ZFC3H1: variants seen among roughly 807,000 people sequenced by gnomAD.
ZFC3H1 encodes the protein zinc finger C3H1 domain-containing protein.
ZFC3H1 carries 71 observed loss-of-function variants against 243.7 expected under a neutral mutation model. That is an observed-to-expected ratio of 0.29 (90% CI 0.24 to 0.36). The LOEUF is 0.36. Ranked by LOEUF, ZFC3H1 falls within the 10% of genes least tolerant of loss-of-function variation. ZFC3H1 has a pLI of 1.00. For synonymous variants in ZFC3H1, 838 were observed against 813.0 expected (o/e 1.03, Z -0.52); for missense variants, 1,966 against 2,317.1 (o/e 0.85, Z 3.11).
intron 1 of ZFC3H1, among the ~76,000 whole-genome samples, chr12:71,657,997 GA>G (rs757049825): frequency 4.3e-4 from 58 of 135,130 alleles, no homozygotes; most frequent in African/African-American, 1.1e-3. Flanking sequence ...TCAAAAAAAA[GA>G]AAAAAAAAAA....
chr12:71,622,754 C>T (rs1217592680), intron 24 of ZFC3H1, among the ~76,000 whole-genome samples: 1 of 152,204 alleles, frequency 6.6e-6, no homozygotes, highest in Non-Finnish European at 1.5e-5. Context: ...GCCACTGTGC[C>T]CGGCCCTAGT....
intron 27 of ZFC3H1, among the ~76,000 whole-genome samples, chr12:71,618,641 A>G (rs1879949658): frequency 6.6e-6 from 1 of 152,126 alleles, no homozygotes; most frequent in African/African-American, 2.4e-5. Context: ...TGCTAACCTA[A>G]AATATTTACT....
chr12:71,611,900 T>C lies in ZFC3H1; in HGVS notation c.5628-13A>G. On this transcript the variant is annotated splice_polypyrimidine_tract_variant and intron_variant, in intron 31 of 34. Coordinates refer to ENST00000378743, the MANE Select transcript of ZFC3H1 (RefSeq NM_144982.5). ...ATGTTGAAGTAACCTGTAAAGTACA[T>C]TCAGGAAAATGAACAAAGCATTGCA... The C allele has an allele frequency of 6.4e-7, 1 of 1,552,722 alleles. No individual in the cohort carries two copies. The highest frequency in any genetic ancestry group is 8.8e-7 in the Non-Finnish European group (1 of 1,134,542).
At chr12:71,644,342 A>G (rs1403814444) in intron 4 of ZFC3H1, 24 bp from the exon 5 acceptor site, 1 of 1,602,218 alleles carries the variant, frequency 6.2e-7, no homozygotes, top group Non-Finnish European at 8.5e-7. Flanking sequence ...ACACATAAAC[A>G]TTAGCATCTG....
chr12:71,633,451 T>A lies in ZFC3H1; in HGVS notation c.2511-13A>T. On this transcript the variant is annotated splice_polypyrimidine_tract_variant and intron_variant, in intron 12 of 34. Transcript: ENST00000378743. ...CATCAAGAGAATCCTAAATGAGAAA[T>A]AACAAAATTCTTGTTAATGTTTCCC... The A allele has an allele frequency of 6.5e-7, 1 of 1,534,800 alleles. No individual in the cohort carries two copies.
chr12:71,618,092 T>G (rs905417383), intron 27 of ZFC3H1, among the ~76,000 whole-genome samples: 15 of 152,032 alleles, frequency 9.9e-5, no homozygotes, highest in Admixed American at 2.0e-4. Context: ...CGGTGAAACC[T>G]GTCATTACTA....
chr12:71,643,046 G>A (rs1251719428), intron 5 of ZFC3H1, among the ~76,000 whole-genome samples: 1 of 152,078 alleles, frequency 6.6e-6, no homozygotes, highest in Admixed American at 6.5e-5. Context: ...TTGTTTTCTT[G>A]TCTACTTCTT....
At chr12:71,661,481 T>C (rs1351197396) in intron 1 of ZFC3H1, among the ~76,000 whole-genome samples, 1 of 125,142 alleles carries the variant, frequency 8.0e-6, no homozygotes, top group African/African-American at 3.9e-5. Context: ...CTATATAATT[T>C]TCCTTTTTTT....
chr12:71,633,871 T>C (rs1384541558), intron 12 of ZFC3H1, among the ~76,000 whole-genome samples: 1 of 152,194 alleles, frequency 6.6e-6, no homozygotes, highest in Non-Finnish European at 1.5e-5. Context: ...TTGGCCAGGC[T>C]AGTCTCAAAC....
At chr12:71,612,949 G>GAGC in intron 31 of ZFC3H1, among the ~76,000 whole-genome samples, 1 of 152,134 alleles carries the variant, frequency 6.6e-6, no homozygotes. Context: ...AGATTCTAAT[G>GAGC]TTTGCCAATA....
chr12:71,628,808 A>T (rs982258491), intron 20 of ZFC3H1, 110 bp downstream of exon 20: 92 of 1,194,102 alleles, frequency 7.7e-5, no homozygotes, highest in Middle Eastern at 2.3e-4. Flanking sequence ...TTTAAAAAAA[A>T]TTTTTTTTTA....
rs1327445992 is a variant in ZFC3H1, at chr12:71,663,652, G to A, written c.-42C>T. On this transcript the variant is annotated 5_prime_UTR_variant, in exon 1 of 35. Transcript: ENST00000378743. The stretch of plus-strand genomic sequence containing the variant: ...TCCACACAACCTTAGCCCTCCGTCC[G>A]GGGATCCGCCCGACAATTGCCTCGT... 2.5e-6 allele frequency: 4 copies of A among 1,574,642 alleles called. No individual in the cohort carries two copies. In the African/African-American group the frequency reaches 5.4e-5, roughly 21 times the overall value.
In ZFC3H1 at chr12:71,663,248, C is replaced by A; in HGVS notation, c.363G>T (p.Ser121=). The change falls in exon 1 of 35, where the codon TCG becomes TCT. Residue 121 remains serine, a synonymous_variant. Coordinates refer to ENST00000378743, the MANE Select transcript of ZFC3H1 (RefSeq NM_144982.5). ...GGGGACTGCTTTCGGACAGTGAGCT[C>A]GAAGGCATCCGTACAGAAGGCGGAT... ...RSHPPSVRMP[S]SSLSESSPRP... is the part of the protein sequence containing the mutation. The A allele has an allele frequency of 6.2e-7, 1 of 1,613,750 alleles. No individual in the cohort carries two copies. Among genetic ancestry groups the A allele is most frequent in the Non-Finnish European group, 8.5e-7 (1 of 1,180,034 alleles).
At chr12:71,654,186 T>C (rs1880960496) in intron 2 of ZFC3H1, among the ~76,000 whole-genome samples, 1 of 152,124 alleles carries the variant, frequency 6.6e-6, no homozygotes, top group African/African-American at 2.4e-5. Flanking sequence ...ACACCTGTAA[T>C]CCCAGCATTT....
chr12:71,653,812 T>C (rs1265722511), intron 2 of ZFC3H1, among the ~76,000 whole-genome samples: 1 of 152,008 alleles, frequency 6.6e-6, no homozygotes, highest in Non-Finnish European at 1.5e-5. Context: ...GGCCAGGAGT[T>C]TGAGACCAGA....
chr12:71,661,577 GTTCAA>G lies in ZFC3H1; in HGVS notation c.598+1431_598+1435del, dbSNP rs1208937953. 2.0e-5 allele frequency among the ~76,000 whole-genome samples: 3 copies of G among 149,658 alleles called. No homozygotes were observed. In the East Asian group the frequency reaches 6.0e-4, roughly 30 times the overall value. The stretch of plus-strand genomic sequence containing the variant: ...TGCTCACTACAACTCTGCCTCCCGA[GTTCAA>G]TCGGTTCTCCTGCCTCAGCCTCCCG... On this transcript the variant is annotated intron_variant, in intron 1 of 34. Coordinates refer to ENST00000378743, the MANE Select transcript of ZFC3H1 (RefSeq NM_144982.5).
At chr12:71,623,238 T>A in intron 24 of ZFC3H1, 122 bp downstream of exon 24, 1 of 834,884 alleles carries the variant, frequency 1.2e-6, no homozygotes, top group Non-Finnish European at 1.8e-6. Flanking sequence ...AAACTAAAAC[T>A]TGCAATATAG....
chr12:71,625,358 C>T (rs1007613321), intron 22 of ZFC3H1, among the ~76,000 whole-genome samples: 3 of 152,118 alleles, frequency 2.0e-5, no homozygotes, highest in African/African-American at 7.2e-5. Context: ...TATTTTATTT[C>T]TCAAGTGGAT....
At chr12:71,658,151 T>C (rs1357051311) in intron 1 of ZFC3H1, among the ~76,000 whole-genome samples, 1 of 152,154 alleles carries the variant, frequency 6.6e-6, no homozygotes, top group Non-Finnish European at 1.5e-5. Context: ...TAGAAACAGC[T>C]ACAAAATTTC....
Sources: gnomAD v4.1 joint callset for allele counts (sites outside exome capture counted in the v4.1 genomes callset) on GRCh38, gnomAD v4.1.1 for gene constraint, MANE v1.5 for transcripts, NCBI Gene and HGNC (gene_info 2026-07-23, HGNC 2026-07-21) for gene names.